The following CACNA1C variants were observed in gnomAD, a reference collection of about 807,000 sequenced individuals.
The protein encoded by CACNA1C is calcium voltage-gated channel subunit alpha1 C.
CACNA1C carries 30 observed loss-of-function variants against 229.0 expected under a neutral mutation model. The ratio of observed to expected loss-of-function variants is 0.13; its 90% CI spans 0.10 to 0.18. The LOEUF is 0.18. Among genes scored for constraint, CACNA1C ranks in the 10% least tolerant of loss-of-function variants. The pLI is 1.00. For missense variants in CACNA1C, 1,658 were observed against 2,845.0 expected, an observed-to-expected ratio of 0.58 and a Z score of 9.49; for synonymous variants, 1,114 against 1,132.5, an observed-to-expected ratio of 0.98 and a Z score of 0.33.
chr12:2,636,742 A>G (rs969364692), intron 30 of CACNA1C, among the ~76,000 whole-genome samples: 1 of 152,170 alleles, frequency 6.6e-6, no homozygotes, highest in African/African-American at 2.4e-5. Context: ...CTCCTGGTGT[A>G]CTGCCACTAG....
chr12:2,458,270 G>A (rs935145411), intron 5 of CACNA1C, among the ~76,000 whole-genome samples: 1 of 152,174 alleles, frequency 6.6e-6, no homozygotes, highest in Non-Finnish European at 1.5e-5. Flanking sequence ...CCAAAGAGAG[G>A]AGGATATTCC....
intron 7 of CACNA1C, among the ~76,000 whole-genome samples, chr12:2,494,651 C>T (rs1236695034): frequency 3.3e-5 from 5 of 152,174 alleles, no homozygotes; most frequent in African/African-American, 9.7e-5. Flanking sequence ...CCAAGAGAGG[C>T]GTTGACTTCT....
At chr12:2,359,270 C>T (rs12299985) in intron 3 of CACNA1C, among the ~76,000 whole-genome samples, 3,616 of 152,270 alleles carry the variant, frequency 0.024, 136 homozygotes, top group African/African-American at 0.082. Context: ...ATCTCTACCA[C>T]GTGAATGGAG....
intron 34 of CACNA1C, among the ~76,000 whole-genome samples, chr12:2,662,103 G>A (rs777818884): frequency 2.6e-5 from 4 of 151,960 alleles, no homozygotes; most frequent in Non-Finnish European, 5.9e-5. Flanking sequence ...TTAGCCGGGC[G>A]TGGTAGCAGG....
intron 1 of CACNA1C, among the ~76,000 whole-genome samples, chr12:2,023,134 A>G (rs1346728630): frequency 6.6e-6 from 1 of 152,194 alleles, no homozygotes. Context: ...TAAAAACGAA[A>G]GAAAACAGTC....
chr12:2,120,951 G>A (rs1000665388), intron 3 of CACNA1C, among the ~76,000 whole-genome samples: 5 of 152,112 alleles, frequency 3.3e-5, no homozygotes, highest in South Asian at 2.1e-4. Flanking sequence ...TGGGAAAGGC[G>A]GCTTTCCATT....
chr12:2,135,039 C>T (rs2093111321), intron 3 of CACNA1C, among the ~76,000 whole-genome samples: 1 of 144,180 alleles, frequency 6.9e-6, no homozygotes, highest in Non-Finnish European at 1.5e-5. Flanking sequence ...CTTCCCTTCT[C>T]ACTTCATTTC....
At position 2,566,137 on chromosome 12, in the gene CACNA1C, CA is replaced by C. The variant is rs1447239856; in HGVS notation, c.1509-282del. Among the ~76,000 whole-genome samples, 1 of 152,232 alleles carries C rather than the reference CA, an allele frequency of 6.6e-6. No individual in the cohort carries two copies. The highest frequency in any genetic ancestry group is 1.5e-5 in the Non-Finnish European group (1 of 68,036). On this transcript the variant is annotated intron_variant, in intron 11 of 46. Coordinates refer to ENST00000399655, the MANE Select transcript of CACNA1C (RefSeq NM_000719.7). The surrounding 1 kb of genome is among the most constrained non-coding windows in gnomAD (Gnocchi z 4.0). ...TCCATTTATTGAGCATCTTCAACTT[CA>C]AAGCAGCCAGATGCATTATAAGGTA...
intron 3 of CACNA1C, among the ~76,000 whole-genome samples, chr12:2,245,836 T>A (rs951765046): frequency 6.6e-6 from 1 of 152,200 alleles, no homozygotes; most frequent in African/African-American, 2.4e-5. Context: ...TCTGGGGCCC[T>A]TCACCCTGCT....
At chr12:2,186,381 T>C (rs2097007705) in intron 3 of CACNA1C, among the ~76,000 whole-genome samples, 1 of 152,104 alleles carries the variant, frequency 6.6e-6, no homozygotes, top group Admixed American at 6.5e-5. Context: ...CACCTCTGCA[T>C]CCTCCTAGGG....
chr12:2,155,203 C>T (rs2095497181), intron 3 of CACNA1C, among the ~76,000 whole-genome samples: 1 of 152,146 alleles, frequency 6.6e-6, no homozygotes, highest in African/African-American at 2.4e-5. Context: ...AGCGTGAAGA[C>T]ACATTTTCTA....
intron 5 of CACNA1C, among the ~76,000 whole-genome samples, chr12:2,469,907 T>C (rs2154567545): frequency 6.6e-6 from 1 of 152,336 alleles, no homozygotes; most frequent in East Asian, 1.9e-4. Context: ...TGAGATTTAG[T>C]GAAAGCAGGT....
chr12:2,241,496 T>C (rs2070223757), intron 3 of CACNA1C, among the ~76,000 whole-genome samples: 1 of 152,144 alleles, frequency 6.6e-6, no homozygotes, highest in African/African-American at 2.4e-5. Context: ...GTGTGCAGCC[T>C]GGCCAAGCAG....
intron 3 of CACNA1C, among the ~76,000 whole-genome samples, chr12:2,178,154 C>G (rs2096724986): frequency 6.6e-6 from 1 of 152,204 alleles, no homozygotes; most frequent in Admixed American, 6.5e-5. Flanking sequence ...CTCTTTGCCT[C>G]TTATTAAAAG....
chr12:2,361,722 CTTTTG>C (rs376073887), intron 3 of CACNA1C, among the ~76,000 whole-genome samples: 3 of 152,338 alleles, frequency 2.0e-5, no homozygotes, highest in African/African-American at 7.2e-5. Flanking sequence ...CCACTATTAT[CTTTTG>C]TTTTATTTAT....
chr12:2,610,450 G>A (rs1057440744), intron 27 of CACNA1C, 91 bp from the exon 28 acceptor site: 1 of 1,324,676 alleles, frequency 7.5e-7, no homozygotes, highest in Non-Finnish European at 1.1e-6. Context: ...CACAGTGTGT[G>A]GTCTCATCAC....
intron 19 of CACNA1C, among the ~76,000 whole-genome samples, chr12:2,593,703 T>G (rs759000384): frequency 3.3e-5 from 5 of 152,242 alleles, no homozygotes; most frequent in East Asian, 1.9e-4. Flanking sequence ...TGCTCCTTAC[T>G]TACATGGAAT....
At position 2,148,236 on chromosome 12, in the gene CACNA1C, C is replaced by T. The variant is rs553091428; in HGVS notation, c.477+27806C>T. On this transcript the variant is annotated intron_variant, in intron 3 of 46. Coordinates refer to ENST00000399655, the MANE Select transcript of CACNA1C (RefSeq NM_000719.7). The stretch of plus-strand genomic sequence containing the variant: ...CTTATGAACTAAACTCCCTGTTGCC[C>T]GATGGTTCTTTTTGGAAACTTTGTC... 1.9e-4 allele frequency among the ~76,000 whole-genome samples: 29 copies of T among 151,246 alleles called. 2 individuals are homozygous for T. Among genetic ancestry groups the T allele is most frequent in the Non-Finnish European group, 3.7e-4 (25 of 67,602 alleles).
intron 5 of CACNA1C, among the ~76,000 whole-genome samples, chr12:2,476,202 GAGA>G (rs2099627251): frequency 6.6e-6 from 1 of 152,222 alleles, no homozygotes; most frequent in Non-Finnish European, 1.5e-5. Context: ...ATGCACTGTT[GAGA>G]AGGATTGTGA....
Sources: gnomAD v4.1 joint callset for allele counts (sites outside exome capture counted in the v4.1 genomes callset) on GRCh38, gnomAD v4.1.1 for gene constraint, Gnocchi (gnomAD v3.1) non-coding constraint, MANE v1.5 for transcripts, NCBI Gene and HGNC (gene_info 2026-07-23, HGNC 2026-07-21) for gene names.